Variants in CEP112 observed in about 807,000 individuals in gnomAD.
The protein encoded by CEP112 is centrosomal protein of 112 kDa.
CEP112 carries 127 observed loss-of-function variants against 153.0 expected under a neutral mutation model. The observed-to-expected ratio is 0.83, with a 90% CI of 0.72 to 0.96. CEP112 has a LOEUF of 0.96. CEP112 is among the 40% of genes least tolerant of loss of function. CEP112 has a pLI of 0.00. For missense variants in CEP112, 1,089 were observed against 1,101.2 expected, an observed-to-expected ratio of 0.99 and a Z score of 0.16; for synonymous variants, 358 against 374.4, an observed-to-expected ratio of 0.96 and a Z score of 0.51.
At chr17:65,657,303 T>G (rs1285721636) in intron 24 of CEP112, among the ~76,000 whole-genome samples, 1 of 152,206 alleles carries the variant, frequency 6.6e-6, no homozygotes, top group Non-Finnish European at 1.5e-5. Context: ...ATTCCTAATA[T>G]TTTTTCTTTC....
chr17:65,958,447 G>A (rs2062075897), intron 18 of CEP112, among the ~76,000 whole-genome samples: 1 of 152,120 alleles, frequency 6.6e-6, no homozygotes, highest in African/African-American at 2.4e-5. Context: ...CTGTACTCCT[G>A]GGGGTTGGGG....
chr17:65,853,826 T>G (rs951721877), intron 20 of CEP112, among the ~76,000 whole-genome samples: 6 of 152,228 alleles, frequency 3.9e-5, no homozygotes, highest in Non-Finnish European at 7.3e-5. Context: ...GTTATTGTTT[T>G]GTCATTCACT....
At chr17:65,968,628 C>A (rs761443553) in intron 17 of CEP112, among the ~76,000 whole-genome samples, 1 of 152,120 alleles carries the variant, frequency 6.6e-6, no homozygotes, top group Non-Finnish European at 1.5e-5. Flanking sequence ...TGAATGTCTA[C>A]CCTGCTCATC....
rs187488266 is a variant in CEP112, at chr17:65,999,931, T to C, written c.1736+5759A>G. On this transcript the variant is annotated intron_variant, in intron 17 of 26. Coordinates refer to ENST00000535342, the MANE Select transcript of CEP112 (RefSeq NM_001199165.4). ...TTTTTTATGGCTGCATAGTATTCCA[T>C]GGTGTATATATATCACATTTTCTTC... 3.3e-5 allele frequency among the ~76,000 whole-genome samples: 5 copies of C among 152,350 alleles called. No homozygotes were observed. In the East Asian group the frequency reaches 9.6e-4, roughly 29 times the overall value.
intron 19 of CEP112, among the ~76,000 whole-genome samples, chr17:65,911,398 A>T (rs983926589): frequency 6.6e-6 from 1 of 152,232 alleles, no homozygotes; most frequent in African/African-American, 2.4e-5. Context: ...TTTTTCTCTA[A>T]TAAGGAGTTA....
At chr17:66,112,861 G>A (rs528158208) in intron 6 of CEP112, among the ~76,000 whole-genome samples, 101 of 152,048 alleles carry the variant, frequency 6.6e-4, no homozygotes, top group South Asian at 2.5e-3. Context: ...CAGGAGAATC[G>A]CTTGAACCCG....
At chr17:65,974,230 C>A (rs1425622589) in intron 17 of CEP112, among the ~76,000 whole-genome samples, 1 of 148,366 alleles carries the variant, frequency 6.7e-6, no homozygotes, top group Non-Finnish European at 1.5e-5. Flanking sequence ...GCACACACCA[C>A]CACGCCAGTT....
At chr17:66,026,181 A>G (rs1238691020) in intron 16 of CEP112, among the ~76,000 whole-genome samples, 1 of 152,164 alleles carries the variant, frequency 6.6e-6, no homozygotes, top group Non-Finnish European at 1.5e-5. Flanking sequence ...CTTAATGGGT[A>G]CATTATTTGG....
rs146884484 is a variant in CEP112 at position 66,153,992 on chromosome 17, A to C, written c.470+21052T>G. Reference sequence around the variant, plus strand: ...AGCCTGACCAACAGAATGAAACCCTATCTCTACTAAGAAAAAAAAAAAAAA... The same window carrying C: ...AGCCTGACCAACAGAATGAAACCCTCTCTCTACTAAGAAAAAAAAAAAAAA... On this transcript the variant is annotated intron_variant, in intron 4 of 26. Transcript: ENST00000535342. Among the ~76,000 whole-genome samples the C allele has an allele frequency of 5.6e-3, 684 of 121,580 alleles. 4 individuals carry two copies. Among genetic ancestry groups the C allele is most frequent in the African/African-American group, 0.02 (643 of 31,474 alleles). The allele number at this position is 121,580 out of a possible 152,430, so 79.8% of individuals were successfully genotyped here.
At chr17:65,851,760 C>T in intron 21 of CEP112, 44 bp downstream of exon 21, 1 of 1,407,254 alleles carries the variant, frequency 7.1e-7, no homozygotes, top group Non-Finnish European at 9.9e-7. Flanking sequence ...GGATTTTAAA[C>T]ATGGATTTCA....
intron 23 of CEP112, among the ~76,000 whole-genome samples, chr17:65,716,553 G>A (rs559539094): frequency 1.8e-4 from 27 of 152,244 alleles, no homozygotes; most frequent in Middle Eastern, 6.8e-3. Flanking sequence ...TCAAGTCAAA[G>A]TTTTAGGGAA....
At chr17:65,876,899 T>C (rs1214004906) in intron 20 of CEP112, among the ~76,000 whole-genome samples, 1 of 152,198 alleles carries the variant, frequency 6.6e-6, no homozygotes, top group Non-Finnish European at 1.5e-5. Context: ...ATTTTCGATA[T>C]TTCAGTTTTG....
At chr17:66,028,158 T>G (rs2065301960) in intron 15 of CEP112, among the ~76,000 whole-genome samples, 155 bp downstream of exon 15, 1 of 151,716 alleles carries the variant, frequency 6.6e-6, no homozygotes, top group Non-Finnish European at 1.5e-5. Flanking sequence ...TCTATTAAGA[T>G]AAATAAAATG....
At chr17:65,753,639 T>C (rs191146738) in intron 21 of CEP112, among the ~76,000 whole-genome samples, 9 of 152,312 alleles carry the variant, frequency 5.9e-5, no homozygotes, top group Non-Finnish European at 1.0e-4. Flanking sequence ...TGAGGTTTAT[T>C]TGTCTTGGCT....
At chr17:66,110,464 T>C (rs1417752776) in intron 6 of CEP112, among the ~76,000 whole-genome samples, 1 of 152,078 alleles carries the variant, frequency 6.6e-6, no homozygotes, top group Non-Finnish European at 1.5e-5. Context: ...ATGTGATTTG[T>C]GAAAGGTCTA....
rs2109907 is a variant in CEP112, at chr17:65,772,619, G to C, written c.2395-21895C>G. On this transcript the variant is annotated intron_variant, in intron 21 of 26. Coordinates refer to ENST00000535342, the MANE Select transcript of CEP112 (RefSeq NM_001199165.4). The stretch of plus-strand genomic sequence containing the variant: ...ACACACACACACACACACACACACA[G>C]ACAGCCCCTTCTGAAACCCTGATAT... 6.5e-4 allele frequency among the ~76,000 whole-genome samples: 26 copies of C among 39,796 alleles called. No homozygotes were observed. In the South Asian group the frequency reaches 0.012, roughly 18 times the overall value. The allele number at this position is 39,796 out of a possible 152,430, so 26.1% of individuals were successfully genotyped here.
chr17:66,083,883 C>T (rs1308113813), intron 8 of CEP112, among the ~76,000 whole-genome samples: 1 of 152,036 alleles, frequency 6.6e-6, no homozygotes, highest in East Asian at 1.9e-4. Flanking sequence ...AAAAAAAGAA[C>T]TAACATAGAT....
chr17:65,733,542 A>T (rs1224612847), intron 23 of CEP112, among the ~76,000 whole-genome samples: 5 of 152,210 alleles, frequency 3.3e-5, no homozygotes, highest in African/African-American at 9.6e-5. Flanking sequence ...GTGTCTGTAT[A>T]TACAAGGCGC....
intron 6 of CEP112, among the ~76,000 whole-genome samples, chr17:66,119,732 G>T (rs1444109272): frequency 6.6e-6 from 1 of 152,212 alleles, no homozygotes; most frequent in Non-Finnish European, 1.5e-5. Flanking sequence ...TGTGAACACA[G>T]ACTTTCATCA....
Sources: gnomAD v4.1 joint callset for allele counts (sites outside exome capture counted in the v4.1 genomes callset) on GRCh38, gnomAD v4.1.1 for gene constraint, MANE v1.5 for transcripts, NCBI Gene and HGNC (gene_info 2026-07-23, HGNC 2026-07-21) for gene names.